The following XIRP2 variants were observed in gnomAD, a reference collection of about 807,000 sequenced individuals.
XIRP2 encodes xin actin-binding repeat-containing protein 2.
A neutral mutation model predicts 277.0 loss-of-function variants in XIRP2; 236 were observed. The ratio of observed to expected loss-of-function variants is 0.85; its 90% CI spans 0.77 to 0.95. The LOEUF (loss-of-function observed/expected upper bound fraction) is 0.95. XIRP2 is among the 40% of genes least tolerant of loss of function. The pLI, the probability that XIRP2 is intolerant of heterozygous loss-of-function variation, is 0.00. For synonymous variants in XIRP2, 1,490 were observed against 1,416.5 expected (o/e 1.05, Z -1.17); for missense variants, 4,640 against 4,157.5 (o/e 1.12, Z -3.19).
chr2:167,257,969 G>T lies in XIRP2; in HGVS notation c.*152G>T, dbSNP rs1391568446. On this transcript the variant is annotated 3_prime_UTR_variant, in exon 11 of 11. Transcript: ENST00000409195. ...AGGTTTTGGACATAAGCAGCATAAA[G>T]ATAGATGGAACTGCAAAAACCAAAG... The T allele has an allele frequency of 5.6e-6, 9 of 1,612,990 alleles. No homozygotes were observed. Among genetic ancestry groups the T allele is most frequent in the East Asian group, 2.2e-5 (1 of 44,822 alleles).
At chr2:167,201,238 GAAAGAAAGAAA>G (rs1693694906) in intron 3 of XIRP2, among the ~76,000 whole-genome samples, 1 of 99,128 alleles carries the variant, frequency 1.0e-5, no homozygotes, top group Non-Finnish European at 1.8e-5. Context: ...AAGAAAGAAA[GAAAGAAAGAAA>G]GAAAGAAAGA....
intron 3 of XIRP2, among the ~76,000 whole-genome samples, chr2:167,186,591 C>T (rs924103094): frequency 1.3e-5 from 2 of 152,062 alleles, no homozygotes; most frequent in Non-Finnish European, 2.9e-5. Context: ...TGGCAATGCT[C>T]ATTGGGTTCT....
At chr2:167,214,099 AAGGAAGG>A in intron 4 of XIRP2, among the ~76,000 whole-genome samples, 1 of 107,926 alleles carries the variant, frequency 9.3e-6, no homozygotes, top group Non-Finnish European at 1.8e-5. Flanking sequence ...AGAAAGAAGG[AAGGAAGG>A]AAGGAAGGAA....
rs201303101 is a variant in XIRP2 at position 167,257,925 on chromosome 2, C to T, written c.*108C>T. ...CCTCACTTTAAACAACTTTTCAAATCCAAAGGAAATTATGATGAAGGTTTT... is the reference window on the plus strand; with the variant it reads ...CCTCACTTTAAACAACTTTTCAAATTCAAAGGAAATTATGATGAAGGTTTT... On this transcript the variant is annotated 3_prime_UTR_variant, in exon 11 of 11. Coordinates refer to ENST00000409195, the MANE Select transcript of XIRP2 (RefSeq NM_152381.6). 7.4e-5 allele frequency: 120 copies of T among 1,611,858 alleles called. No individual in the cohort carries two copies. The highest frequency in any genetic ancestry group is 9.6e-5 in the Non-Finnish European group (113 of 1,179,122).
chr2:167,097,617 GC>G (rs1025426487), intron 2 of XIRP2, among the ~76,000 whole-genome samples: 5 of 152,152 alleles, frequency 3.3e-5, no homozygotes, highest in Non-Finnish European at 5.9e-5. Flanking sequence ...TGGTTATTTT[GC>G]CCATTAGTTG....
At chr2:167,073,959 G>A (rs1197521686) in intron 2 of XIRP2, among the ~76,000 whole-genome samples, 1 of 152,120 alleles carries the variant, frequency 6.6e-6, no homozygotes, top group Non-Finnish European at 1.5e-5. Flanking sequence ...CTTCAAGCTT[G>A]CATGTAGCCA....
chr2:167,202,761 A>C (rs1204647191), intron 3 of XIRP2, among the ~76,000 whole-genome samples: 1 of 152,200 alleles, frequency 6.6e-6, no homozygotes, highest in African/African-American at 2.4e-5. Flanking sequence ...AAAATGCAAC[A>C]GATTCCAATA....
intron 5 of XIRP2, among the ~76,000 whole-genome samples, chr2:167,238,810 T>C (rs1286311071): frequency 6.6e-6 from 1 of 152,200 alleles, no homozygotes; most frequent in Non-Finnish European, 1.5e-5. Context: ...TAAAGAGTCA[T>C]CTGTCTGTAT....
intron 2 of XIRP2, among the ~76,000 whole-genome samples, chr2:167,011,933 T>G (rs1264469254): frequency 6.6e-6 from 1 of 152,144 alleles, no homozygotes; most frequent in African/African-American, 2.4e-5. Flanking sequence ...CTTTATCATT[T>G]TTTATTGTGT....
intron 5 of XIRP2, among the ~76,000 whole-genome samples, chr2:167,233,552 A>G (rs1694816609): frequency 6.6e-6 from 1 of 151,660 alleles, no homozygotes; most frequent in African/African-American, 2.4e-5. Context: ...GGTCATTTAA[A>G]TAACAATAGA....
intron 2 of XIRP2, among the ~76,000 whole-genome samples, chr2:166,920,211 T>A (rs1447399412): frequency 6.6e-6 from 1 of 152,138 alleles, no homozygotes; most frequent in African/African-American, 2.4e-5. Context: ...ATAGTCACAA[T>A]CATCATAGAA....
At chr2:167,179,323 G>GTTT (rs374760800) in intron 3 of XIRP2, among the ~76,000 whole-genome samples, 1 of 120,506 alleles carries the variant, frequency 8.3e-6, no homozygotes. Flanking sequence ...TTTTTTTCTT[G>GTTT]TTTTTTTTTT....
chr2:167,231,129 C>A (rs929475853), intron 5 of XIRP2, among the ~76,000 whole-genome samples: 2 of 151,956 alleles, frequency 1.3e-5, no homozygotes, highest in East Asian at 1.9e-4. Context: ...GTGCAGATAA[C>A]CTTGCAATGC....
chr2:166,997,866 C>T (rs1687264806), intron 2 of XIRP2, among the ~76,000 whole-genome samples: 1 of 151,024 alleles, frequency 6.6e-6, no homozygotes, highest in South Asian at 2.1e-4. Flanking sequence ...GATTGTGTGC[C>T]ACTCCACTCC....
intron 2 of XIRP2, among the ~76,000 whole-genome samples, chr2:167,101,227 G>T (rs1464025791): frequency 1.3e-5 from 2 of 152,104 alleles, no homozygotes; most frequent in Non-Finnish European, 2.9e-5. Flanking sequence ...CAATTTGTAA[G>T]ATTTATTGTT....
intron 2 of XIRP2, among the ~76,000 whole-genome samples, chr2:167,011,568 A>G (rs1383987935): frequency 2.0e-5 from 3 of 152,110 alleles, no homozygotes; most frequent in Admixed American, 1.3e-4. Flanking sequence ...CTTTGGTATC[A>G]GGATGATGCT....
At chr2:167,001,048 T>C (rs1202148416) in intron 2 of XIRP2, among the ~76,000 whole-genome samples, 1 of 152,140 alleles carries the variant, frequency 6.6e-6, no homozygotes, top group Non-Finnish European at 1.5e-5. Context: ...TCTTAAAAAA[T>C]AAGTATGAAG....
At chr2:167,049,107 TTCTC>T (rs1205078776) in intron 2 of XIRP2, among the ~76,000 whole-genome samples, 1 of 151,862 alleles carries the variant, frequency 6.6e-6, no homozygotes. Context: ...TGAGTTCTTT[TTCTC>T]TCTGTGTCTT....
At chr2:167,254,317 T>A in intron 10 of XIRP2, 152 bp downstream of exon 10, 1 of 1,013,478 alleles carries the variant, frequency 9.9e-7, no homozygotes, top group Non-Finnish European at 1.3e-6. Context: ...TTCTGTGATG[T>A]ATTTCTGCGA....
Sources: gnomAD v4.1 joint callset for allele counts (sites outside exome capture counted in the v4.1 genomes callset) on GRCh38, gnomAD v4.1.1 for gene constraint, MANE v1.5 for transcripts, NCBI Gene and HGNC (gene_info 2026-07-23, HGNC 2026-07-21) for gene names.